PLCB1: variants seen among roughly 807,000 people sequenced by gnomAD.
The protein encoded by PLCB1 is 1-phosphatidylinositol 4,5-bisphosphate phosphodiesterase beta-1.
Under a neutral mutation model 161.8 loss-of-function variants are expected in PLCB1, and 46 were observed. The ratio of observed to expected loss-of-function variants is 0.28; its 90% confidence interval spans 0.22 to 0.36. The LOEUF is 0.36. Ranked by LOEUF, PLCB1 falls within the 10% of genes least tolerant of loss-of-function variation. The pLI, the probability that PLCB1 is intolerant of heterozygous loss-of-function variation, is 1.00. For missense variants in PLCB1, 1,016 were observed against 1,472.5 expected (o/e 0.69, Z 5.07); for synonymous variants, 517 against 503.7 (o/e 1.03, Z -0.35).
intron 2 of PLCB1, among the ~76,000 whole-genome samples, chr20:8,259,993 T>A (rs1343995075): frequency 6.6e-6 from 1 of 152,184 alleles, no homozygotes; most frequent in Non-Finnish European, 1.5e-5. Context: ...ATATTCTAAA[T>A]CAGTCTATCT....
intron 3 of PLCB1, among the ~76,000 whole-genome samples, chr20:8,515,331 A>C (rs6055872): frequency 2.6e-5 from 4 of 152,338 alleles, no homozygotes; most frequent in African/African-American, 7.2e-5. Flanking sequence ...ATTACAGTAA[A>C]TTACATTTAT....
At chr20:8,161,775 A>T (rs2051627317) in intron 2 of PLCB1, among the ~76,000 whole-genome samples, 1 of 151,424 alleles carries the variant, frequency 6.6e-6, no homozygotes, top group South Asian at 2.1e-4. Flanking sequence ...TGTGGTCAGA[A>T]CATTGGACTT....
Position 8,312,266 on chromosome 20 carries a change from A to G in PLCB1, c.178-59116A>G, listed in dbSNP as rs539013865. ...CCTCACGTCCGCTTCTCAAGCGCGC[A>G]TACAATTCTTCTACCCCGCAAAAGC... On this transcript the variant is annotated intron_variant, in intron 2 of 31. Coordinates refer to ENST00000338037, the MANE Select transcript of PLCB1 (RefSeq NM_015192.4). Among the ~76,000 whole-genome samples, 4 of 152,200 alleles carry G rather than the reference A, an allele frequency of 2.6e-5. No individual in the cohort carries two copies. The South Asian group carries it at 8.3e-4, about 32-fold the overall frequency.
intron 1 of PLCB1, among the ~76,000 whole-genome samples, chr20:8,144,429 T>C (rs902391185): frequency 1.3e-5 from 2 of 152,198 alleles, no homozygotes; most frequent in Non-Finnish European, 2.9e-5. Context: ...GCTTGTTCTG[T>C]AGGAAGCCAG....
chr20:8,722,333 T>G, intron 14 of PLCB1, 21 bp from the exon 15 acceptor site: 55 of 1,583,356 alleles, frequency 3.5e-5, no homozygotes, highest in Non-Finnish European at 4.7e-5. Flanking sequence ...GACATGATGA[T>G]CTGTTATTAA....
intron 18 of PLCB1, among the ~76,000 whole-genome samples, chr20:8,732,753 T>G (rs1344681053): frequency 1.4e-5 from 2 of 141,150 alleles, no homozygotes; most frequent in African/African-American, 5.2e-5. Flanking sequence ...ATATATTTAA[T>G]ACATTAGATA....
At chr20:8,878,692 C>T (rs998482706) in intron 31 of PLCB1, among the ~76,000 whole-genome samples, 9 of 152,100 alleles carry the variant, frequency 5.9e-5, no homozygotes, top group African/African-American at 2.2e-4. Flanking sequence ...GCCATTTTTA[C>T]CAGATACCAT....
chr20:8,739,201 T>G, intron 20 of PLCB1, 60 bp from the exon 21 acceptor site: 1 of 998,602 alleles, frequency 1.0e-6, no homozygotes, highest in East Asian at 2.4e-5. Flanking sequence ...AATACCTTTC[T>G]AATTATTTCT....
chr20:8,189,339 AT>A (rs199963742), intron 2 of PLCB1, among the ~76,000 whole-genome samples: 15 of 140,504 alleles, frequency 1.1e-4, no homozygotes, highest in South Asian at 2.4e-4. Context: ...ATATATATAT[AT>A]AAAACATAAT....
At position 8,553,048 on chromosome 20, in the gene PLCB1, A is replaced by G. The variant is rs111587762; in HGVS notation, c.247-75246A>G. Among the ~76,000 whole-genome samples, 602 of 152,292 alleles carry G rather than the reference A, an allele frequency of 4.0e-3. 3 individuals are homozygous for G. Among genetic ancestry groups the G allele is most frequent in the African/African-American group, 0.013 (558 of 41,572 alleles). On this transcript the variant is annotated intron_variant, in intron 3 of 31. Coordinates refer to ENST00000338037, the MANE Select transcript of PLCB1 (RefSeq NM_015192.4). ...CTTGAAAACAGTCCGATTTACATCC[A>G]TCGCTGCATTATAAAGAACAGGGCT...
rs370361540 is a variant in PLCB1, at chr20:8,727,382, G to C, written c.1752G>C (p.Val584=). 25 of 1,563,140 alleles carry C rather than the reference G, an allele frequency of 1.6e-5. No individual in the cohort carries two copies. The highest frequency in any genetic ancestry group is 2.2e-5 in the Non-Finnish European group (25 of 1,135,116). ...KGLEQLTKSP[V]EFVEYNKMQL... ...TTGAACAACTCACCAAGTCTCCAGT[G>C]GAATTTGTAGAGTATCCTTGATTTG... Residue 584 remains valine (V), a synonymous_variant, in exon 17 of 32, where the codon GTG becomes GTC. Transcript: ENST00000338037.
At chr20:8,848,724 G>A (rs1356679320) in intron 31 of PLCB1, among the ~76,000 whole-genome samples, 1 of 152,240 alleles carries the variant, frequency 6.6e-6, no homozygotes, top group Admixed American at 6.5e-5. Flanking sequence ...CCCAAGGGAT[G>A]GGCCTGTCTT....
intron 3 of PLCB1, among the ~76,000 whole-genome samples, chr20:8,521,075 T>C (rs1200978222): frequency 6.6e-6 from 1 of 152,146 alleles, no homozygotes; most frequent in African/African-American, 2.4e-5. Flanking sequence ...TCCCAAGTAC[T>C]CTTGAGGTGC....
intron 2 of PLCB1, among the ~76,000 whole-genome samples, chr20:8,318,607 T>A (rs1005690045): frequency 6.6e-6 from 1 of 152,208 alleles, no homozygotes; most frequent in Non-Finnish European, 1.5e-5. Flanking sequence ...GTTTGTTGAA[T>A]GATTACCAAT....
At chr20:8,692,137 A>G (rs968175013) in intron 10 of PLCB1, among the ~76,000 whole-genome samples, 8 of 152,212 alleles carry the variant, frequency 5.3e-5, no homozygotes, top group Non-Finnish European at 7.4e-5. Context: ...GGGTTTTGCT[A>G]TCCCCAATAA....
At chr20:8,870,877 A>C (rs1987585065) in intron 31 of PLCB1, among the ~76,000 whole-genome samples, 1 of 152,236 alleles carries the variant, frequency 6.6e-6, no homozygotes, top group African/African-American at 2.4e-5. Flanking sequence ...TGAGGAAGGA[A>C]GAGAATGCAC....
chr20:8,644,715 C>T (rs1017926591), intron 4 of PLCB1, among the ~76,000 whole-genome samples: 62 of 151,204 alleles, frequency 4.1e-4, no homozygotes, highest in Non-Finnish European at 5.0e-4. Context: ...GGGGGGTCAG[C>T]CCCCCGCCCT....
intron 3 of PLCB1, among the ~76,000 whole-genome samples, chr20:8,627,882 G>C (rs1988407025): frequency 6.6e-6 from 1 of 152,178 alleles, no homozygotes; most frequent in African/African-American, 2.4e-5. Context: ...TTCTTCCCTA[G>C]TCCTACGTAG....
At chr20:8,716,930 C>T (rs1331424453) in intron 13 of PLCB1, among the ~76,000 whole-genome samples, 4 of 152,312 alleles carry the variant, frequency 2.6e-5, no homozygotes, top group East Asian at 1.9e-4. Flanking sequence ...CCAGTCCCTC[C>T]GCTCATTGCA....
Sources: gnomAD v4.1 joint callset for allele counts (sites outside exome capture counted in the v4.1 genomes callset) on GRCh38, gnomAD v4.1.1 for gene constraint, MANE v1.5 for transcripts, NCBI Gene and HGNC (gene_info 2026-07-23, HGNC 2026-07-21) for gene names.